Variants in FOXK1 observed in about 807,000 individuals in gnomAD.
FOXK1 encodes forkhead box protein K1.
A neutral mutation model predicts 51.9 loss-of-function variants in FOXK1; 19 were observed. The ratio of observed to expected loss-of-function variants is 0.37; its 90% CI spans 0.26 to 0.54. The LOEUF is 0.54. FOXK1 is among the 20% of genes least tolerant of loss of function. The pLI is 0.87. For missense variants in FOXK1, 870 were observed against 1,032.7 expected (o/e 0.84, Z 2.16); for synonymous variants, 537 against 482.6 (o/e 1.11, Z -1.48).
intron 1 of FOXK1, among the ~76,000 whole-genome samples, chr7:4,705,964 A>G (rs1213674847): frequency 2.7e-5 from 3 of 112,994 alleles, no homozygotes; most frequent in East Asian, 2.1e-4. Context: ...ATATATGTAT[A>G]TATATATACG....
intron 1 of FOXK1, among the ~76,000 whole-genome samples, chr7:4,687,710 C>G (rs541254544): frequency 6.6e-6 from 1 of 152,208 alleles, no homozygotes; most frequent in Non-Finnish European, 1.5e-5. Flanking sequence ...TTGCTCTTCC[C>G]TCTTTCTCTA....
chr7:4,754,271 C>A (rs1426314871), intron 2 of FOXK1, among the ~76,000 whole-genome samples, 188 bp from the exon 3 acceptor site: 1 of 152,220 alleles, frequency 6.6e-6, no homozygotes, highest in Non-Finnish European at 1.5e-5. Context: ...AGGAAACTTG[C>A]CTGCCGTTTC....
chr7:4,759,506 A>G lies in FOXK1; in HGVS notation c.1607A>G (p.Asn536Ser), dbSNP rs759980175. Residue 536 changes from asparagine to serine, a missense_variant, in exon 7 of 9, where the codon AAC becomes AGC. By Grantham distance (46) the Asn-to-Ser change is conservative (BLOSUM62 1). Coordinates refer to ENST00000328914, the MANE Select transcript of FOXK1 (RefSeq NM_001037165.2). ...RVVTTSANSANGYILTSQGAA... is the reference protein window; with the variant it reads ...RVVTTSANSASGYILTSQGAA... ...GTCACCACATCTGCCAACTCGGCCA[A>G]CGGATACATCCTCACCAGCCAGGGC... 3.8e-6 allele frequency: 6 copies of G among 1,575,640 alleles called. No homozygotes were observed. The East Asian group carries it at 6.9e-5, about 18-fold the overall frequency.
rs529880144 is a variant in FOXK1 at position 4,761,883 on chromosome 7, G to A, written c.1922-301G>A. Among the ~76,000 whole-genome samples the A allele has an allele frequency of 8.5e-5, 13 of 152,100 alleles. No homozygotes were observed. The South Asian group carries it at 1.7e-3, about 19-fold the overall frequency. On this transcript the variant is annotated intron_variant, in intron 8 of 8. Coordinates refer to ENST00000328914, the MANE Select transcript of FOXK1 (RefSeq NM_001037165.2). This position sits in a 1 kb window ranked among gnomAD's most constrained non-coding sequence, Gnocchi z 6.2. ...GGGCACCGGGCGCATTGTCAGTGGG[G>A]TGGCTCAGGGCAGTGCATCTGTGTA... is the stretch of plus-strand genomic sequence containing the variant.
chr7:4,712,842 G>C (rs1380469190), intron 1 of FOXK1, among the ~76,000 whole-genome samples: 2 of 152,216 alleles, frequency 1.3e-5, no homozygotes, highest in Non-Finnish European at 2.9e-5. Flanking sequence ...GCGTGATGAG[G>C]ATGGAGTGGT....
chr7:4,698,880 G>A (rs2115033708), intron 1 of FOXK1, among the ~76,000 whole-genome samples: 1 of 152,270 alleles, frequency 6.6e-6, no homozygotes, highest in South Asian at 2.1e-4. Context: ...TGGAGATGGG[G>A]TCTTGCTGTG....
rs1489108738 is a variant in FOXK1 at position 4,769,775 on chromosome 7, T to G, written c.*7311T>G. On this transcript the variant is annotated 3_prime_UTR_variant, in exon 9 of 9. Coordinates refer to ENST00000328914, the MANE Select transcript of FOXK1 (RefSeq NM_001037165.2). This position sits in a 1 kb window ranked among gnomAD's most constrained non-coding sequence, Gnocchi z 4.1. Reference sequence around the variant, plus strand: ...TTTTTTGCTCCTTACCCAGTTTTTGTTTTTTGTTGTTTTGTTTTGTTTTAG... The same window carrying G: ...TTTTTTGCTCCTTACCCAGTTTTTGGTTTTTGTTGTTTTGTTTTGTTTTAG... 3 of 152,182 alleles carry G rather than the reference T, an allele frequency of 2.0e-5. No individual in the cohort carries two copies. Among genetic ancestry groups the G allele is most frequent in the African/African-American group, 7.2e-5 (3 of 41,442 alleles). The allele number at this position is 152,182 out of a possible 1,614,324, so 9.4% of individuals were successfully genotyped here. A position where few individuals can be genotyped will look rare whatever the true frequency, so the allele number is the denominator to read the frequency against.
intron 1 of FOXK1, among the ~76,000 whole-genome samples, chr7:4,685,334 C>A (rs1779805393): frequency 6.6e-6 from 1 of 150,942 alleles, no homozygotes; most frequent in Non-Finnish European, 1.5e-5. Context: ...CCTGCCTCAG[C>A]CTCCTGAGTG....
At chr7:4,696,055 G>A (rs1779947265) in intron 1 of FOXK1, among the ~76,000 whole-genome samples, 1 of 150,704 alleles carries the variant, frequency 6.6e-6, no homozygotes, top group Non-Finnish European at 1.5e-5. Flanking sequence ...GGTGGAGGCT[G>A]TAGTGAGCTA....
At chr7:4,696,113 C>G (rs1779947783) in intron 1 of FOXK1, among the ~76,000 whole-genome samples, 1 of 127,010 alleles carries the variant, frequency 7.9e-6, no homozygotes, top group African/African-American at 3.5e-5. Context: ...AAGACTGTGT[C>G]TCAAAAAAAA....
chr7:4,747,002 CCTTTT>C lies in FOXK1; in HGVS notation c.746+5980_746+5984del, dbSNP rs779580366. 6.6e-6 allele frequency among the ~76,000 whole-genome samples: 1 copy of C among 152,202 alleles called. No homozygotes were observed. The highest frequency in any genetic ancestry group is 1.5e-5 in the Non-Finnish European group (1 of 68,032). On this transcript the variant is annotated intron_variant, in intron 2 of 8. Coordinates refer to ENST00000328914, the MANE Select transcript of FOXK1 (RefSeq NM_001037165.2). The surrounding 1 kb of genome is among the most constrained non-coding windows in gnomAD (Gnocchi z 9.2). ...TGGGAAGGTTGGGACTTTCTGTCTT[CCTTTT>C]ATTTTTCCCTCCTGCCTAGATCCCT...
rs952823550 is a variant in FOXK1 at position 4,735,885 on chromosome 7, G to A, written c.561-4953G>A. Among the ~76,000 whole-genome samples, 4 of 152,276 alleles carry A rather than the reference G, an allele frequency of 2.6e-5. No homozygotes were observed. The highest frequency in any genetic ancestry group is 1.9e-4 in the East Asian group (1 of 5,170). Reference sequence around the variant, plus strand: ...ATTTAAAAATCAAGCCAGGTGCAGCGGCTCACACCTGTAATCCCAGCACTT... The same window carrying A: ...ATTTAAAAATCAAGCCAGGTGCAGCAGCTCACACCTGTAATCCCAGCACTT... On this transcript the variant is annotated intron_variant, in intron 1 of 8. Transcript: ENST00000328914. This position sits in a 1 kb window ranked among gnomAD's most constrained non-coding sequence, Gnocchi z 4.7.
rs1403747670 is a variant in FOXK1, at chr7:4,759,524, G to C, written c.1625G>C (p.Ser542Thr). Residue 542 changes from serine (S) to threonine (T), a missense_variant, in exon 7 of 9, where the codon AGC (serine) becomes ACC (threonine). Coordinates refer to ENST00000328914, the MANE Select transcript of FOXK1 (RefSeq NM_001037165.2). ...ANSANGYILT[S>T]QGAAGGSHDA... ...TCGGCCAACGGATACATCCTCACCA[G>C]CCAGGGCGCGGCGGGGGGCTCCCAT... The C allele has an allele frequency of 1.3e-6, 2 of 1,564,920 alleles. No homozygotes were observed. The highest frequency in any genetic ancestry group is 8.6e-7 in the Non-Finnish European group (1 of 1,161,768).
chr7:4,692,447 G>A (rs185553105), intron 1 of FOXK1, among the ~76,000 whole-genome samples: 1 of 152,220 alleles, frequency 6.6e-6, no homozygotes, highest in East Asian at 1.9e-4. Context: ...CAGGCTGGAG[G>A]GGCAGTGGCA....
chr7:4,699,353 G>A (rs1019319419), intron 1 of FOXK1, among the ~76,000 whole-genome samples: 4 of 149,060 alleles, frequency 2.7e-5, no homozygotes, highest in African/African-American at 9.9e-5. Flanking sequence ...CACGACTCGT[G>A]GGGTCCTTAT....
At position 4,747,519 on chromosome 7, in the gene FOXK1, G is replaced by C. The variant is rs533450328; in HGVS notation, c.746+6496G>C. ...TTAATGCTGGTTCCAATTTGGGTTT[G>C]GGGGGTTGATTTTGTTTTTGTTTGT... is the stretch of plus-strand genomic sequence containing the variant. On this transcript the variant is annotated intron_variant, in intron 2 of 8. Transcript: ENST00000328914. This position sits in a 1 kb window ranked among gnomAD's most constrained non-coding sequence, Gnocchi z 9.2. Among the ~76,000 whole-genome samples, 55 of 152,200 alleles carry C rather than the reference G, an allele frequency of 3.6e-4. No individual in the cohort carries two copies. Among genetic ancestry groups the C allele is most frequent in the Non-Finnish European group, 8.8e-5 (6 of 68,006 alleles).
In FOXK1 at chr7:4,743,134, C is replaced by T. The variant is rs1460531460; in HGVS notation, c.746+2111C>T. ...AGTGACTGAGAGCCTGGTGTGTGCC[C>T]GCCTGGCCCTGTGCTGAGCAGTGCA... is the stretch of plus-strand genomic sequence containing the variant. On this transcript the variant is annotated intron_variant, in intron 2 of 8. Coordinates refer to ENST00000328914, the MANE Select transcript of FOXK1 (RefSeq NM_001037165.2). This position sits in a 1 kb window ranked among gnomAD's most constrained non-coding sequence, Gnocchi z 5.3. 1.3e-5 allele frequency among the ~76,000 whole-genome samples: 2 copies of T among 152,174 alleles called. No homozygotes were observed. The highest frequency in any genetic ancestry group is 2.4e-5 in the African/African-American group (1 of 41,438).
rs980103545 is a variant in FOXK1, at chr7:4,768,333, C to A, written c.*5869C>A. The A allele has an allele frequency of 6.7e-6, 1 of 148,598 alleles. No homozygotes were observed. Among genetic ancestry groups the A allele is most frequent in the Non-Finnish European group, 1.5e-5 (1 of 67,796 alleles). 9.2% of individuals were successfully genotyped at this position (148,598 alleles called of 1,614,324 possible). On this transcript the variant is annotated 3_prime_UTR_variant, in exon 9 of 9. Coordinates refer to ENST00000328914, the MANE Select transcript of FOXK1 (RefSeq NM_001037165.2). ...ATTTTTAGTAGAGACGGGGTTTCACCGTGTTAGCCAGGATGGTCTCGATCT... is the reference window on the plus strand; with the variant it reads ...ATTTTTAGTAGAGACGGGGTTTCACAGTGTTAGCCAGGATGGTCTCGATCT...
Position 4,749,340 on chromosome 7 carries a change from A to C in FOXK1, c.747-5119A>C, listed in dbSNP as rs1340869008. ...GTTCCACCTGGTAGAAGCTTCCTCA[A>C]ACCACAGATGTGCCTTGGCCGGCTG... On this transcript the variant is annotated intron_variant, in intron 2 of 8. Coordinates refer to ENST00000328914, the MANE Select transcript of FOXK1 (RefSeq NM_001037165.2). This position sits in a 1 kb window ranked among gnomAD's most constrained non-coding sequence, Gnocchi z 6.0. Among the ~76,000 whole-genome samples the C allele has an allele frequency of 6.6e-6, 1 of 152,060 alleles. No homozygotes were observed. Among genetic ancestry groups the C allele is most frequent in the African/African-American group, 2.4e-5 (1 of 41,392 alleles).
Sources: allele counts gnomAD v4.1 joint callset (sites outside exome capture counted in the v4.1 genomes callset), GRCh38; gene constraint gnomAD v4.1.1; non-coding constraint Gnocchi (gnomAD v3.1); transcripts MANE v1.5; gene names NCBI Gene and HGNC (gene_info 2026-07-23, HGNC 2026-07-21).